PRKG1: variants seen among roughly 807,000 people sequenced by gnomAD.
PRKG1 encodes protein kinase cGMP-dependent 1, also known as cGMP-dependent protein kinase 1.
PRKG1 carries 35 observed loss-of-function variants against 88.1 expected under a neutral mutation model. The observed-to-expected ratio is 0.40, with a 90% CI of 0.30 to 0.53. The LOEUF is 0.53. PRKG1 is among the 20% of genes least tolerant of loss of function. PRKG1 has a pLI of 0.59. For missense variants in PRKG1, 540 were observed against 839.8 expected, an observed-to-expected ratio of 0.64 and a Z score of 4.41; for synonymous variants, 303 against 292.5, an observed-to-expected ratio of 1.04 and a Z score of -0.37.
rs553750575 is a variant in PRKG1 at position 51,791,998 on chromosome 10, G to T, written c.593-12587G>T. ...AGAGACGTGAATTAAATGTAAAGAT[G>T]AATAGATTTTGTTTTATTTATGGCA... On this transcript the variant is annotated intron_variant, in intron 3 of 17. Coordinates refer to ENST00000373980, the MANE Select transcript of PRKG1 (RefSeq NM_006258.4). 3.3e-5 allele frequency among the ~76,000 whole-genome samples: 5 copies of T among 152,168 alleles called. No individual in the cohort carries two copies. The South Asian group carries it at 1.0e-3, about 32-fold the overall frequency.
chr10:51,395,518 CTCTT>C (rs10571980), intron 2 of PRKG1, among the ~76,000 whole-genome samples: 89,116 of 151,558 alleles, frequency 0.59, 26,843 homozygotes, highest in Middle Eastern at 0.69. Context: ...AGAGAGCTGT[CTCTT>C]TAGTAGGAAC....
At chr10:51,751,356 G>A (rs185376439) in intron 3 of PRKG1, among the ~76,000 whole-genome samples, 134 of 152,196 alleles carry the variant, frequency 8.8e-4, no homozygotes, top group African/African-American at 3.1e-3. Context: ...TCATGCCTCA[G>A]CCTCTTGAGT....
At chr10:52,162,703 A>G (rs768886507) in intron 9 of PRKG1, among the ~76,000 whole-genome samples, 8 of 152,166 alleles carry the variant, frequency 5.3e-5, no homozygotes, top group Admixed American at 1.3e-4. Flanking sequence ...AAATCAAAAG[A>G]AGTAAAATAA....
At chr10:51,375,486 GA>G (rs1390669181) in intron 2 of PRKG1, among the ~76,000 whole-genome samples, 1 of 151,680 alleles carries the variant, frequency 6.6e-6, no homozygotes, top group Non-Finnish European at 1.5e-5. Context: ...TCTCATATGT[GA>G]AAATCTGAAA....
At chr10:51,101,872 G>A (rs758558436) in intron 1 of PRKG1, among the ~76,000 whole-genome samples, 41 of 152,276 alleles carry the variant, frequency 2.7e-4, no homozygotes, top group Non-Finnish European at 4.9e-4. Context: ...TAAAATTGAG[G>A]CTAAAAATAG....
chr10:52,182,659 C>T (rs1406710721), intron 9 of PRKG1, among the ~76,000 whole-genome samples: 1 of 144,800 alleles, frequency 6.9e-6, no homozygotes, highest in Non-Finnish European at 1.5e-5. Flanking sequence ...ATATGGCTAG[C>T]CAGTTTTCCC....
At chr10:51,554,246 T>C (rs944993351) in intron 3 of PRKG1, among the ~76,000 whole-genome samples, 8 of 147,412 alleles carry the variant, frequency 5.4e-5, no homozygotes, top group Non-Finnish European at 1.0e-4. Flanking sequence ...TATGTATATA[T>C]ATTATACATA....
At chr10:51,782,260 G>A (rs12264750) in intron 3 of PRKG1, among the ~76,000 whole-genome samples, 12,385 of 152,036 alleles carry the variant, frequency 0.081, 566 homozygotes, top group Non-Finnish European at 0.096. Flanking sequence ...CGTTAAATGC[G>A]TTTTTGACTT....
intron 3 of PRKG1, among the ~76,000 whole-genome samples, chr10:51,535,328 T>A (rs1842119092): frequency 6.6e-6 from 1 of 152,186 alleles, no homozygotes; most frequent in Non-Finnish European, 1.5e-5. Context: ...GTCATAAAAA[T>A]TGCCAAGGTA....
intron 7 of PRKG1, among the ~76,000 whole-genome samples, chr10:52,133,242 C>G (rs548793916): frequency 2.2e-4 from 33 of 152,054 alleles, no homozygotes; most frequent in Non-Finnish European, 4.0e-4. Flanking sequence ...AAATTAAATG[C>G]TTCTAAAGAG....
intron 9 of PRKG1, among the ~76,000 whole-genome samples, chr10:52,240,434 C>T (rs939894641): frequency 6.6e-6 from 1 of 152,016 alleles, no homozygotes; most frequent in Non-Finnish European, 1.5e-5. Context: ...GATCCCGGAC[C>T]AGAAAACGGA....
intron 8 of PRKG1, among the ~76,000 whole-genome samples, chr10:52,150,178 A>T (rs1564490964): frequency 5.4e-4 from 80 of 148,026 alleles, no homozygotes; most frequent in Middle Eastern, 3.6e-3. Context: ...AATAATAATA[A>T]TAATAATTTG....
At chr10:51,303,375 G>A (rs1419088156) in intron 2 of PRKG1, among the ~76,000 whole-genome samples, 2 of 146,772 alleles carry the variant, frequency 1.4e-5, no homozygotes, top group African/African-American at 5.2e-5. Context: ...AGTCTTCACA[G>A]CAATCATCAA....
At chr10:51,663,724 A>C (rs993429630) in intron 3 of PRKG1, among the ~76,000 whole-genome samples, 21 of 132,002 alleles carry the variant, frequency 1.6e-4, no homozygotes, top group African/African-American at 4.6e-4. Context: ...AAAAAAAAAA[A>C]CACACCTGAC....
chr10:52,023,003 G>A (rs939099664), intron 5 of PRKG1, among the ~76,000 whole-genome samples: 2 of 152,034 alleles, frequency 1.3e-5, no homozygotes, highest in Non-Finnish European at 1.5e-5. Flanking sequence ...TGCCAAGGTG[G>A]TTTGCTGTAC....
chr10:52,272,250 C>T, intron 11 of PRKG1, 142 bp from the exon 12 acceptor site: 1 of 540,086 alleles, frequency 1.9e-6, no homozygotes, highest in East Asian at 3.1e-5. Flanking sequence ...CTTCTTTTCC[C>T]CATGTGTGGG....
At chr10:51,697,545 C>A in intron 3 of PRKG1, 26 of 760,008 alleles carry the variant, frequency 3.4e-5, no homozygotes, top group East Asian at 1.1e-4. Flanking sequence ...AAAAGGAAAA[C>A]AGAAAGAAAG....
chr10:52,081,112 G>A (rs1380519199), intron 7 of PRKG1, among the ~76,000 whole-genome samples: 27 of 152,168 alleles, frequency 1.8e-4, no homozygotes, highest in Non-Finnish European at 1.5e-4. Flanking sequence ...CTCAGATATT[G>A]TTTCTCAGGA....
chr10:52,162,748 A>T (rs994249580), intron 9 of PRKG1, among the ~76,000 whole-genome samples: 1 of 152,158 alleles, frequency 6.6e-6, no homozygotes, highest in African/African-American at 2.4e-5. Context: ...AAGATTAAAA[A>T]TTTGTCCTAG....
Sources: gnomAD v4.1 joint callset for allele counts (sites outside exome capture counted in the v4.1 genomes callset) on GRCh38, gnomAD v4.1.1 for gene constraint, MANE v1.5 for transcripts, NCBI Gene and HGNC (gene_info 2026-07-23, HGNC 2026-07-21) for gene names.